NUMB: variants seen among roughly 807,000 people sequenced by gnomAD.
NUMB encodes the protein protein numb homolog.
A neutral mutation model predicts 59.7 loss-of-function variants in NUMB; 29 were observed. The ratio of observed to expected loss-of-function variants is 0.49; its 90% CI spans 0.36 to 0.66. The LOEUF is 0.66. Ranked by LOEUF, NUMB falls within the 30% of genes least tolerant of loss-of-function variation. NUMB has a pLI of 0.00. For missense variants in NUMB, 723 were observed against 822.0 expected (o/e 0.88, Z 1.47); for synonymous variants, 288 against 288.2 (o/e 1.00, Z 0.01).
intron 12 of NUMB, among the ~76,000 whole-genome samples, 186 bp downstream of exon 12, chr14:73,279,095 T>C (rs1209040238): frequency 6.6e-6 from 1 of 152,242 alleles, no homozygotes; most frequent in African/African-American, 2.4e-5. Flanking sequence ...TCCTAATGAC[T>C]ATCAGTCTGA....
At chr14:73,414,847 G>A (rs1166899976) in intron 1 of NUMB, among the ~76,000 whole-genome samples, 1 of 152,124 alleles carries the variant, frequency 6.6e-6, no homozygotes, top group Non-Finnish European at 1.5e-5. Flanking sequence ...AGCCTCCCGA[G>A]TAGCTGGGAC....
At chr14:73,287,413 C>T in intron 8 of NUMB, 99 bp from the exon 9 acceptor site, 1 of 1,088,662 alleles carries the variant, frequency 9.2e-7, no homozygotes, top group Non-Finnish European at 1.3e-6. Flanking sequence ...CAGAGTCTTA[C>T]TGTTACCCAG....
At chr14:73,302,849 T>A (rs17182307) in intron 6 of NUMB, among the ~76,000 whole-genome samples, 23,849 of 152,160 alleles carry the variant, frequency 0.16, 2,698 homozygotes, top group Non-Finnish European at 0.23. Context: ...TTGAAACCAG[T>A]ACCCTAGGCC....
intron 2 of NUMB, among the ~76,000 whole-genome samples, chr14:73,408,335 A>C (rs1201049019): frequency 6.6e-6 from 1 of 152,148 alleles, no homozygotes; most frequent in African/African-American, 2.4e-5. Flanking sequence ...GACAGACAAA[A>C]CAAATTTGGA....
intron 8 of NUMB, among the ~76,000 whole-genome samples, chr14:73,292,488 C>T (rs1417857733): frequency 1.3e-5 from 2 of 152,200 alleles, no homozygotes; most frequent in African/African-American, 2.4e-5. Context: ...ACCACTATCA[C>T]CAGACCATTT....
At chr14:73,322,318 G>A (rs1042303635) in intron 5 of NUMB, among the ~76,000 whole-genome samples, 15 of 152,176 alleles carry the variant, frequency 9.9e-5, no homozygotes, top group Non-Finnish European at 1.3e-4. Flanking sequence ...TTCCGAACTC[G>A]TTCTTTCCTT....
At chr14:73,308,868 C>T (rs375471405) in intron 6 of NUMB, among the ~76,000 whole-genome samples, 6 of 151,974 alleles carry the variant, frequency 3.9e-5, no homozygotes, top group African/African-American at 1.4e-4. Flanking sequence ...CTGAGTAAGG[C>T]GATAGGACTA....
chr14:73,388,247 A>C (rs981576565), intron 2 of NUMB, among the ~76,000 whole-genome samples: 2 of 152,196 alleles, frequency 1.3e-5, no homozygotes, highest in Non-Finnish European at 2.9e-5. Context: ...AGCTCTTTCC[A>C]CTACAAATTA....
intron 5 of NUMB, among the ~76,000 whole-genome samples, chr14:73,322,312 G>A (rs1457860995): frequency 6.6e-6 from 1 of 152,192 alleles, no homozygotes; most frequent in Non-Finnish European, 1.5e-5. Context: ...TATGAATTCC[G>A]AACTCGTTCT....
At chr14:73,395,979 G>A (rs1228477759) in intron 2 of NUMB, among the ~76,000 whole-genome samples, 1 of 152,128 alleles carries the variant, frequency 6.6e-6, no homozygotes, top group Non-Finnish European at 1.5e-5. Context: ...GTCTAAATTG[G>A]AGTTGATATC....
intron 2 of NUMB, among the ~76,000 whole-genome samples, chr14:73,405,968 C>A (rs1456192040): frequency 1.3e-5 from 2 of 152,110 alleles, no homozygotes; most frequent in Non-Finnish European, 2.9e-5. Flanking sequence ...ATGGGTGGAA[C>A]ACTTGTGGGA....
At position 73,395,037 on chromosome 14, in the gene NUMB, T is replaced by G. The variant is rs59128922; in HGVS notation, c.-101+14900A>C. ...TTAAGGTTGAATAGTATTCGTGTGT[T>G]TGTGTGTGTGTGTGTGTGTGTGTGT... is the stretch of plus-strand genomic sequence containing the variant. On this transcript the variant is annotated intron_variant, in intron 2 of 12. Coordinates refer to ENST00000555238, the MANE Select transcript of NUMB (RefSeq NM_001005743.2). Among the ~76,000 whole-genome samples the G allele has an allele frequency of 4.4e-3, 533 of 119,956 alleles. 8 individuals are homozygous for G. Among genetic ancestry groups the G allele is most frequent in the South Asian group, 5.9e-3 (21 of 3,534 alleles). 78.7% of individuals were successfully genotyped at this position (119,956 alleles called of 152,430 possible). A position where few individuals can be genotyped will look rare whatever the true frequency, so the allele number is the denominator to read the frequency against.
chr14:73,372,001 G>A (rs368327715), intron 2 of NUMB, among the ~76,000 whole-genome samples: 1 of 152,052 alleles, frequency 6.6e-6, no homozygotes, highest in Admixed American at 6.6e-5. Context: ...GAAGGCAGGC[G>A]TGGGAGGATC....
rs1555372236 is a variant in NUMB, at chr14:73,334,966, A to AAAG, written c.127-11763_127-11762insCTT. On this transcript the variant is annotated intron_variant, in intron 4 of 12. Transcript: ENST00000555238. Reference sequence around the variant, plus strand: ...CTCTGTCTCAAAAAAAAAAAAAAAAAGGTATTAGCATATACTCCAAGTATT... The same window carrying AAAG: ...CTCTGTCTCAAAAAAAAAAAAAAAAAAAGGGTATTAGCATATACTCCAAGTATT... Among the ~76,000 whole-genome samples the AAAG allele has an allele frequency of 4.6e-5, 7 of 150,722 alleles. No homozygotes were observed. The South Asian group carries it at 1.5e-3, about 32-fold the overall frequency.
intron 1 of NUMB, among the ~76,000 whole-genome samples, chr14:73,447,175 G>A (rs1429820782): frequency 2.2e-5 from 3 of 134,610 alleles, no homozygotes; most frequent in African/African-American, 8.5e-5. Context: ...AACAGAGCGA[G>A]ACTCCATCTC....
At chr14:73,305,010 G>A (rs1019125327) in intron 6 of NUMB, among the ~76,000 whole-genome samples, 7 of 151,386 alleles carry the variant, frequency 4.6e-5, no homozygotes, top group African/African-American at 1.2e-4. Flanking sequence ...CAGGTGATCC[G>A]CCCACCTCAG....
rs1373049028 is a variant in NUMB at position 73,282,346 on chromosome 14, A to C, written c.1096+13T>G. 6.2e-7 allele frequency: 1 copy of C among 1,613,930 alleles called. No homozygotes were observed. The highest frequency in any genetic ancestry group is 1.7e-5 in the Admixed American group (1 of 59,984). On this transcript the variant is annotated intron_variant, in intron 11 of 12. Transcript: ENST00000555238. Reference sequence around the variant, plus strand: ...TGTAAAGAGAACAGCTGAGCAGGTCAGAGGGCACCAACCTTGGAAGGTAGG... The same window carrying C: ...TGTAAAGAGAACAGCTGAGCAGGTCCGAGGGCACCAACCTTGGAAGGTAGG...
intron 7 of NUMB, 110 bp from the exon 8 acceptor site, chr14:73,292,984 G>T: frequency 9.2e-7 from 1 of 1,089,014 alleles, no homozygotes. Context: ...GATACAACTA[G>T]GCTATGGAAT....
chr14:73,311,847 C>A (rs754775419), intron 6 of NUMB, among the ~76,000 whole-genome samples: 1 of 152,116 alleles, frequency 6.6e-6, no homozygotes, highest in Non-Finnish European at 1.5e-5. Flanking sequence ...ACCTAGCAAA[C>A]TCAATAAATC....
Sources: allele counts gnomAD v4.1 joint callset (sites outside exome capture counted in the v4.1 genomes callset), GRCh38; gene constraint gnomAD v4.1.1; transcripts MANE v1.5; gene names NCBI Gene and HGNC (gene_info 2026-07-23, HGNC 2026-07-21).